Variants in NDUFC1 observed in about 807,000 individuals in gnomAD.
The protein encoded by NDUFC1 is NADH dehydrogenase [ubiquinone] 1 subunit C1, mitochondrial.
Under a neutral mutation model 11.6 loss-of-function variants are expected in NDUFC1, and 11 were observed. The ratio of observed to expected loss-of-function variants is 0.95; its 90% CI spans 0.60 to 1.58. NDUFC1 has a LOEUF of 1.58. Ranked by LOEUF, NDUFC1 falls within the 40% of genes most tolerant of loss-of-function variation. NDUFC1 has a pLI of 0.00. For synonymous variants in NDUFC1, 52 were observed against 42.2 expected, an observed-to-expected ratio of 1.23 and a Z score of -0.90; for missense variants, 112 against 93.0, an observed-to-expected ratio of 1.20 and a Z score of -0.84.
intron 5 of NDUFC1, among the ~76,000 whole-genome samples, chr4:139,291,149 T>C (rs1745196205): frequency 6.6e-6 from 1 of 151,376 alleles, no homozygotes; most frequent in Non-Finnish European, 1.5e-5. Flanking sequence ...ATAATAAACT[T>C]TCTCTTTTAA....
Position 139,295,772 on chromosome 4 carries a change from G to A in NDUFC1, c.27C>T (p.Pro9=), listed in dbSNP as rs140979926. 2 of 1,553,014 alleles carry A rather than the reference G, an allele frequency of 1.3e-6. No individual in the cohort carries two copies. The highest frequency in any genetic ancestry group is 1.4e-5 in the African/African-American group (1 of 72,598). Residue 9 remains proline, a synonymous_variant, in exon 3 of 6, where the codon CCC becomes CCT. Transcript: ENST00000394223. MAPSALLR[P]LSRLLAPARL... Reference sequence around the variant, plus strand: ...TGGCGGGGGCCAGCAGCCGGGAAAGGGGACGCAGCAAGGCGGACGGCGCCA... The same window carrying A: ...TGGCGGGGGCCAGCAGCCGGGAAAGAGGACGCAGCAAGGCGGACGGCGCCA...
intron 1 of NDUFC1, among the ~76,000 whole-genome samples, chr4:139,298,479 C>T (rs1579067042): frequency 6.8e-6 from 1 of 147,562 alleles, no homozygotes. Flanking sequence ...GCAGGCCGGG[C>T]GTTGGGGCTC....
chr4:139,295,486 G>A (rs570480290), intron 3 of NDUFC1, among the ~76,000 whole-genome samples: 1 of 152,308 alleles, frequency 6.6e-6, no homozygotes, highest in South Asian at 2.1e-4. Context: ...GGAAGGCAAG[G>A]ACCCAAAGTC....
chr4:139,294,508 G>A (rs558586268), intron 4 of NDUFC1, among the ~76,000 whole-genome samples: 4 of 151,064 alleles, frequency 2.6e-5, no homozygotes, highest in South Asian at 2.1e-4. Flanking sequence ...AGGCCGAGGC[G>A]GGCGGATCAA....
intron 2 of NDUFC1, 102 bp from the exon 3 acceptor site, chr4:139,296,062 A>T (rs1745460119): frequency 2.1e-6 from 1 of 480,574 alleles, no homozygotes; most frequent in Non-Finnish European, 3.6e-6. Flanking sequence ...CTATTCATCA[A>T]GAGGTTTATT....
At chr4:139,297,842 T>C (rs201755324) in intron 1 of NDUFC1, among the ~76,000 whole-genome samples, 2 of 152,312 alleles carry the variant, frequency 1.3e-5, no homozygotes, top group East Asian at 1.9e-4. Context: ...GGTAAATGGA[T>C]TGCCTGAGTC....
rs138771676 is a variant in NDUFC1 at position 139,292,128 on chromosome 4, C to T, written c.*20+402G>A. On this transcript the variant is annotated intron_variant, in intron 5 of 5. Transcript: ENST00000394223. ...CTGGGATTACAGGCGTGAGCCACCG[C>T]GCCTGGCAGATTTTGGTTTCATTCT... is the stretch of plus-strand genomic sequence containing the variant. Among the ~76,000 whole-genome samples the T allele has an allele frequency of 2.6e-3, 392 of 152,236 alleles. 2 individuals carry two copies. Among genetic ancestry groups the T allele is most frequent in the African/African-American group, 8.2e-3 (342 of 41,536 alleles).
intron 2 of NDUFC1, 55 bp from the exon 3 acceptor site, chr4:139,296,015 C>T: frequency 1.9e-6 from 1 of 518,084 alleles, no homozygotes; most frequent in Non-Finnish European, 3.3e-6. Flanking sequence ...TTTACCTATT[C>T]TCTGTCCTCT....
chr4:139,294,385 C>G (rs536984992), intron 4 of NDUFC1, among the ~76,000 whole-genome samples: 1 of 152,104 alleles, frequency 6.6e-6, no homozygotes, highest in Non-Finnish European at 1.5e-5. Flanking sequence ...CTTACAGCAT[C>G]TGAAAAAGGT....
chr4:139,299,033 G>A (rs1045158922), intron 1 of NDUFC1, among the ~76,000 whole-genome samples: 7 of 151,734 alleles, frequency 4.6e-5, no homozygotes, highest in African/African-American at 7.3e-5. Context: ...GCAGTGGTGC[G>A]ATCTTGGCTC....
intron 5 of NDUFC1, among the ~76,000 whole-genome samples, chr4:139,292,084 G>T (rs893115821): frequency 6.6e-6 from 1 of 152,088 alleles, no homozygotes; most frequent in African/African-American, 2.4e-5. Context: ...TGATCCACCC[G>T]CCTCGGCCTC....
intron 1 of NDUFC1, chr4:139,301,285 T>C (rs1745713874): frequency 5.3e-6 from 2 of 377,018 alleles, no homozygotes; most frequent in Non-Finnish European, 9.5e-6. Flanking sequence ...GTCTGAACCG[T>C]ACTTGCCTAG....
Position 139,292,544 on chromosome 4 carries a change from A to G in NDUFC1, c.*6T>C, listed in dbSNP as rs58017139. On this transcript the variant is annotated 3_prime_UTR_variant, in exon 5 of 6. Transcript: ENST00000394223. The stretch of plus-strand genomic sequence containing the variant: ...TGTATACTTACTACATTAGTGTTTC[A>G]AAAGTTTATTCCAGCCCATTTCTTC... 4,529 of 1,526,352 alleles carry G rather than the reference A, an allele frequency of 3.0e-3. 85 individuals carry two copies. In the African/African-American group the frequency reaches 0.05, roughly 17 times the overall value. 94.6% of individuals were successfully genotyped at this position (1,526,352 alleles called of 1,614,324 possible).
At chr4:139,290,951 G>A (rs986671644) in intron 5 of NDUFC1, among the ~76,000 whole-genome samples, 30 of 151,404 alleles carry the variant, frequency 2.0e-4, no homozygotes, top group African/African-American at 7.3e-4. Context: ...CTGGGACTAC[G>A]GGCGCGCACC....
At chr4:139,292,755 G>GTA in intron 4 of NDUFC1, 146 bp from the exon 5 acceptor site, 1 of 378,016 alleles carries the variant, frequency 2.6e-6, no homozygotes, top group Non-Finnish European at 4.7e-6. Flanking sequence ...ACCAGGAATG[G>GTA]TATAAACTTG....
In NDUFC1 at chr4:139,295,925, G is replaced by T; in HGVS notation, c.-127C>A. On this transcript the variant is annotated 5_prime_UTR_variant, in exon 3 of 6. Transcript: ENST00000394223. ...GGGCGTCAACGTGAATTCCAGCACG[G>T]CAAGGTTCTCTAGCACCCCGGCCTC... The T allele has an allele frequency of 1.1e-6, 1 of 930,312 alleles. No individual in the cohort carries two copies. 57.6% of individuals were successfully genotyped at this position (930,312 alleles called of 1,614,324 possible). A position where few individuals can be genotyped will look rare whatever the true frequency, so the allele number is the denominator to read the frequency against.
chr4:139,295,258 C>T (rs6816703), intron 3 of NDUFC1, 112 bp from the exon 4 acceptor site: 189,279 of 786,306 alleles, frequency 0.24, 23,960 homozygotes, highest in African/African-American at 0.35. Context: ...TCCCCCATCT[C>T]CCACTTAAAC....
chr4:139,294,931 T>G lies in NDUFC1; in HGVS notation c.171+112A>C, dbSNP rs183130445. On this transcript the variant is annotated intron_variant, in intron 4 of 5. Transcript: ENST00000394223. ...CGATTATATAAATATCCTACTGTTA[T>G]GAGAGTTTCACTGCCATACAACATA... The G allele has an allele frequency of 2.2e-3, 1,575 of 726,976 alleles. 12 individuals are homozygous for G. Among genetic ancestry groups the G allele is most frequent in the Non-Finnish European group, 1.6e-3 (643 of 410,388 alleles). The allele number at this position is 726,976 out of a possible 1,614,324, so 45.0% of individuals were successfully genotyped here.
At chr4:139,301,894 C>G in intron 1 of NDUFC1, 1 of 1,520,206 alleles carries the variant, frequency 6.6e-7, no homozygotes, top group Non-Finnish European at 8.9e-7. Flanking sequence ...CCTGTCACCC[C>G]TAACCTCGGC....
Sources: gnomAD v4.1 joint callset for allele counts (sites outside exome capture counted in the v4.1 genomes callset) on GRCh38, gnomAD v4.1.1 for gene constraint, MANE v1.5 for transcripts, NCBI Gene and HGNC (gene_info 2026-07-23, HGNC 2026-07-21) for gene names.